The following LRSAM1 variants were observed in gnomAD, a reference collection of about 807,000 sequenced individuals.
The protein encoded by LRSAM1 is leucine rich repeat and sterile alpha motif containing 1.
Under a neutral mutation model 118.1 loss-of-function variants are expected in LRSAM1, and 96 were observed. That is an observed-to-expected ratio of 0.81 (90% confidence interval 0.69 to 0.96). LRSAM1 has a LOEUF of 0.96. LRSAM1 is among the 40% of genes least tolerant of loss of function. LRSAM1 has a pLI of 0.00. For missense variants in LRSAM1, 804 were observed against 915.5 expected, an observed-to-expected ratio of 0.88 and a Z score of 1.57; for synonymous variants, 322 against 364.2, an observed-to-expected ratio of 0.88 and a Z score of 1.32.
chr9:127,496,687 G>A (rs1397514095), intron 23 of LRSAM1, among the ~76,000 whole-genome samples: 1 of 152,162 alleles, frequency 6.6e-6, no homozygotes, highest in Non-Finnish European at 1.5e-5. Flanking sequence ...AGGTCACACA[G>A]CAGAGTGAGG....
chr9:127,491,386 C>CTTGACTCCCAGGGG, intron 20 of LRSAM1, 91 bp downstream of exon 20: 4 of 1,016,602 alleles, frequency 3.9e-6, no homozygotes, highest in Non-Finnish European at 6.1e-6. Context: ...CTCACCAGCC[C>CTTGACTCCCAGGGG]CTGGGAGTCA....
intron 2 of LRSAM1, among the ~76,000 whole-genome samples, chr9:127,453,109 A>T (rs1473739205): frequency 2.0e-5 from 3 of 151,408 alleles, no homozygotes; most frequent in Non-Finnish European, 4.4e-5. Flanking sequence ...TGAGACAGAG[A>T]CTCCCTCTGT....
chr9:127,461,482 C>T (rs546350572), intron 8 of LRSAM1, among the ~76,000 whole-genome samples: 5 of 152,134 alleles, frequency 3.3e-5, no homozygotes, highest in Non-Finnish European at 5.9e-5. Context: ...GCCGTATGGC[C>T]GTATGGGGAG....
chr9:127,457,550 G>A (rs1422675517), intron 6 of LRSAM1, 157 bp downstream of exon 6: 2 of 738,412 alleles, frequency 2.7e-6, no homozygotes, highest in African/African-American at 3.5e-5. Flanking sequence ...ATACTTCTGT[G>A]GGCTGTGTGT....
At chr9:127,455,731 G>A in intron 5 of LRSAM1, 111 bp downstream of exon 5, 1 of 1,004,386 alleles carries the variant, frequency 1.0e-6, no homozygotes, top group Non-Finnish European at 1.6e-6. Context: ...CTTTCTCTCT[G>A]CTTCTTATGC....
intron 10 of LRSAM1, among the ~76,000 whole-genome samples, chr9:127,471,288 C>T (rs1209314440): frequency 6.6e-6 from 1 of 150,402 alleles, no homozygotes; most frequent in Non-Finnish European, 1.5e-5. Context: ...ACATGGGCAA[C>T]ATGGCAAAAC....
intron 5 of LRSAM1, among the ~76,000 whole-genome samples, chr9:127,456,766 C>T (rs138248316): frequency 0.05 from 7,581 of 150,984 alleles, 645 homozygotes; most frequent in African/African-American, 0.17. Context: ...CTCGGGAGGG[C>T]GAGACAGGAG....
intron 7 of LRSAM1, among the ~76,000 whole-genome samples, chr9:127,460,847 CT>C (rs58140930): frequency 7.9e-4 from 61 of 77,424 alleles, no homozygotes; most frequent in South Asian, 1.6e-3. Context: ...CTGTTTCTTT[CT>C]TTTTTTTTTT....
rs191390682 is a variant in LRSAM1, at chr9:127,474,077, C to G, written c.750+146C>G. 15 of 1,344,644 alleles carry G rather than the reference C, an allele frequency of 1.1e-5. No individual in the cohort carries two copies. In the South Asian group the frequency reaches 1.9e-4, roughly 17 times the overall value. The allele number at this position is 1,344,644 out of a possible 1,614,324, so 83.3% of individuals were successfully genotyped here. A position where few individuals can be genotyped will look rare whatever the true frequency, so the allele number is the denominator to read the frequency against. ...CATAGAACTAGAACTGGCCTCCTGA[C>G]GAGTTGAACTGCTTTTTCAAGGCCT... On this transcript the variant is annotated intron_variant, in intron 11 of 25. Coordinates refer to ENST00000300417, the MANE Select transcript of LRSAM1 (RefSeq NM_001005373.4).
At chr9:127,455,706 C>T (rs1218035246) in intron 5 of LRSAM1, 86 bp downstream of exon 5, 14 of 1,262,264 alleles carry the variant, frequency 1.1e-5, no homozygotes, top group South Asian at 3.6e-5. Context: ...GCTGTCTTCC[C>T]GGCGTAGACA....
chr9:127,499,067 AG>A (rs1044010894), intron 24 of LRSAM1, among the ~76,000 whole-genome samples: 1 of 147,794 alleles, frequency 6.8e-6, no homozygotes, highest in African/African-American at 2.5e-5. Flanking sequence ...AAAAAAAAAA[AG>A]AAAAAGAAAA....
intron 19 of LRSAM1, among the ~76,000 whole-genome samples, chr9:127,490,114 G>A (rs1303204868): frequency 6.6e-6 from 1 of 152,048 alleles, no homozygotes; most frequent in African/African-American, 2.4e-5. Context: ...CCACCTACAC[G>A]GCTTGGTGGT....
At chr9:127,492,955 C>T (rs1174392112) in intron 21 of LRSAM1, 58 bp downstream of exon 21, 1 of 1,459,902 alleles carries the variant, frequency 6.8e-7, no homozygotes, top group Non-Finnish European at 9.6e-7. Flanking sequence ...CTTTAACAGA[C>T]TTGCCATTTT....
intron 10 of LRSAM1, among the ~76,000 whole-genome samples, chr9:127,469,981 A>G (rs1251686258): frequency 6.7e-6 from 1 of 149,654 alleles, no homozygotes; most frequent in African/African-American, 2.4e-5. Context: ...ATAAAATAAA[A>G]TGGCCAAAAT....
intron 24 of LRSAM1, among the ~76,000 whole-genome samples, chr9:127,499,073 AG>A (rs1180410496): frequency 6.6e-6 from 1 of 151,434 alleles, no homozygotes; most frequent in East Asian, 1.9e-4. Flanking sequence ...AAAAAGAAAA[AG>A]AAAAAAACAA....
chr9:127,489,997 G>A (rs2132093827), intron 19 of LRSAM1, among the ~76,000 whole-genome samples: 1 of 152,312 alleles, frequency 6.6e-6, no homozygotes, highest in South Asian at 2.1e-4. Flanking sequence ...GCTGAAAAGT[G>A]ACCTCGGCCC....
At chr9:127,454,264 G>T (rs1242335637) in intron 2 of LRSAM1, among the ~76,000 whole-genome samples, 1 of 151,866 alleles carries the variant, frequency 6.6e-6, no homozygotes, top group Admixed American at 6.6e-5. Context: ...TCACTAAAAA[G>T]ATGCAGCCTC....
At chr9:127,457,496 C>A in intron 6 of LRSAM1, 103 bp downstream of exon 6, 2 of 1,011,422 alleles carry the variant, frequency 2.0e-6, no homozygotes, top group Non-Finnish European at 3.0e-6. Flanking sequence ...CAGAGGGGCC[C>A]AATCTACCAG....
At chr9:127,479,301 T>C in intron 12 of LRSAM1, 82 bp from the exon 13 acceptor site, 1 of 1,600,264 alleles carries the variant, frequency 6.2e-7, no homozygotes, top group Admixed American at 1.7e-5. Context: ...CCTGTCAGTG[T>C]TGAGGGGTGG....
Sources: allele counts gnomAD v4.1 joint callset (sites outside exome capture counted in the v4.1 genomes callset), GRCh38; gene constraint gnomAD v4.1.1; transcripts MANE v1.5; gene names NCBI Gene and HGNC (gene_info 2026-07-23, HGNC 2026-07-21).